Variants in MECOM observed in about 807,000 individuals in gnomAD.
The protein encoded by MECOM is MDS1 and EVI1 complex locus, also known as histone-lysine N-methyltransferase MECOM.
A neutral mutation model predicts 116.3 loss-of-function variants in MECOM; 13 were observed. The ratio of observed to expected loss-of-function variants is 0.11; its 90% CI spans 0.07 to 0.18. MECOM has a LOEUF of 0.18. MECOM is among the 10% of genes least tolerant of loss of function. The pLI, the probability that MECOM is intolerant of heterozygous loss-of-function variation, is 1.00. For missense variants in MECOM, 1,299 were observed against 1,509.0 expected (o/e 0.86, Z 2.31); for synonymous variants, 528 against 535.2 (o/e 0.99, Z 0.19).
rs139690912 is a variant in MECOM, at chr3:169,182,883, C to CA, written c.376-39052dup. Among the ~76,000 whole-genome samples, 597 of 148,188 alleles carry CA rather than the reference C, an allele frequency of 4.0e-3. 2 individuals carry two copies. Among genetic ancestry groups the CA allele is most frequent in the Non-Finnish European group, 5.6e-3 (373 of 66,788 alleles). On this transcript the variant is annotated intron_variant, in intron 2 of 16. Coordinates refer to ENST00000651503, the MANE Select transcript of MECOM (RefSeq NM_004991.4). ...CCTATCAGTATTCAGATATTAGATACAAAAAAAAAATACTTGGCTAAACAG... is the reference window on the plus strand; with the variant it reads ...CCTATCAGTATTCAGATATTAGATACAAAAAAAAAAATACTTGGCTAAACAG...
chr3:169,382,542 A>G (rs1732576457), intron 1 of MECOM, among the ~76,000 whole-genome samples: 1 of 115,264 alleles, frequency 8.7e-6, no homozygotes, highest in Non-Finnish European at 1.9e-5. Context: ...CAGTTGTCTT[A>G]GAGCAAATGA....
At chr3:169,425,145 G>A (rs568814852) in intron 1 of MECOM, among the ~76,000 whole-genome samples, 3 of 148,426 alleles carry the variant, frequency 2.0e-5, no homozygotes, top group African/African-American at 5.0e-5. Flanking sequence ...TGGAATCAAC[G>A]AAAATTTATA....
chr3:169,188,150 C>A (rs780089312), intron 2 of MECOM, among the ~76,000 whole-genome samples: 33 of 152,036 alleles, frequency 2.2e-4, no homozygotes, highest in Admixed American at 9.8e-4. Context: ...GAATGCAATT[C>A]TCTCTCAATA....
chr3:169,335,448 G>C (rs898571887), intron 2 of MECOM, among the ~76,000 whole-genome samples: 1 of 152,090 alleles, frequency 6.6e-6, no homozygotes, highest in Admixed American at 6.6e-5. Flanking sequence ...CTCTCCTTCA[G>C]CATGTCAAAA....
intron 1 of MECOM, among the ~76,000 whole-genome samples, chr3:169,481,390 T>C (rs935624218): frequency 6.6e-6 from 1 of 152,036 alleles, no homozygotes; most frequent in Non-Finnish European, 1.5e-5. Context: ...CAGTCTCTAC[T>C]AAAAATACAA....
intron 1 of MECOM, among the ~76,000 whole-genome samples, chr3:169,475,198 A>T (rs770515798): frequency 3.9e-5 from 6 of 152,216 alleles, no homozygotes; most frequent in Admixed American, 2.0e-4. Flanking sequence ...GAAAAAAGAC[A>T]ATTTGTGCTC....
rs1346398942 is a variant in MECOM at position 169,232,696 on chromosome 3, C to T, written c.376-88864G>A. Among the ~76,000 whole-genome samples, 4 of 151,894 alleles carry T rather than the reference C, an allele frequency of 2.6e-5. No homozygotes were observed. The East Asian group carries it at 7.8e-4, about 29-fold the overall frequency. On this transcript the variant is annotated intron_variant, in intron 2 of 16. Coordinates refer to ENST00000651503, the MANE Select transcript of MECOM (RefSeq NM_004991.4). ...ATATTTTTAAGAGGCAGCATGTAAACTATGCTTGTGGTGCAGTTTGAAAAT... is the reference window on the plus strand; with the variant it reads ...ATATTTTTAAGAGGCAGCATGTAAATTATGCTTGTGGTGCAGTTTGAAAAT...
intron 2 of MECOM, among the ~76,000 whole-genome samples, chr3:169,152,657 G>T (rs548130061): frequency 6.6e-6 from 1 of 152,112 alleles, no homozygotes; most frequent in Non-Finnish European, 1.5e-5. Context: ...TTTGTAGGAC[G>T]GCACTGTGTG....
chr3:169,309,825 G>A (rs546784714), intron 2 of MECOM, among the ~76,000 whole-genome samples: 47 of 152,242 alleles, frequency 3.1e-4, no homozygotes, highest in South Asian at 1.5e-3. Flanking sequence ...TCGCCACCTT[G>A]AGCCTCAGTT....
intron 1 of MECOM, among the ~76,000 whole-genome samples, chr3:169,644,472 G>T (rs1773905208): frequency 6.6e-6 from 1 of 152,002 alleles, no homozygotes; most frequent in Non-Finnish European, 1.5e-5. Flanking sequence ...GGCCAGGCTG[G>T]TCTCAAACTC....
chr3:169,576,828 CACACACACACAG>C lies in MECOM; in HGVS notation c.37+86496_37+86507del, dbSNP rs796778985. Among the ~76,000 whole-genome samples the C allele has an allele frequency of 2.4e-3, 282 of 116,508 alleles. 3 individuals are homozygous for C. In the East Asian group the frequency reaches 0.07, roughly 29 times the overall value. The allele number at this position is 116,508 out of a possible 152,430, so 76.4% of individuals were successfully genotyped here. On this transcript the variant is annotated intron_variant, in intron 1 of 16. Transcript: ENST00000651503. Reference sequence around the variant, plus strand: ...ACACACACACACACACACACACACACACACACACACAGAGAGAGAGAGAGAGAGTTAAGAGTG... The same window carrying C: ...ACACACACACACACACACACACACACAGAGAGAGAGAGAGAGTTAAGAGTG...
intron 2 of MECOM, among the ~76,000 whole-genome samples, chr3:169,350,878 T>A (rs550037514): frequency 6.6e-6 from 1 of 151,940 alleles, no homozygotes; most frequent in South Asian, 2.1e-4. Context: ...AAAAATCTCT[T>A]GTTTTCTGGA....
chr3:169,269,012 G>A (rs1758621816), intron 2 of MECOM: 1 of 152,012 alleles, frequency 6.6e-6, no homozygotes, highest in Admixed American at 6.6e-5. Context: ...TTTTCAAGGA[G>A]CAAGGAGTTC....
rs34061227 is a variant in MECOM at position 169,563,064 on chromosome 3, C to CAA, written c.37+100270_37+100271dup. Among the ~76,000 whole-genome samples, 576 of 79,438 alleles carry CAA rather than the reference C, an allele frequency of 7.3e-3. 4 individuals carry two copies. Among genetic ancestry groups the CAA allele is most frequent in the East Asian group, 0.018 (75 of 4,146 alleles). 52.1% of individuals were successfully genotyped at this position (79,438 alleles called of 152,430 possible). A position where few individuals can be genotyped will look rare whatever the true frequency, so the allele number is the denominator to read the frequency against. On this transcript the variant is annotated intron_variant, in intron 1 of 16. Coordinates refer to ENST00000651503, the MANE Select transcript of MECOM (RefSeq NM_004991.4). ...GGGTGACAAGAAAAAAGCTCCATCTCAAAAAAAAAAAAAAAAAAAATGCTG... is the reference window on the plus strand; with the variant it reads ...GGGTGACAAGAAAAAAGCTCCATCTCAAAAAAAAAAAAAAAAAAAAAATGCTG...
At chr3:169,455,572 G>A (rs1036665556) in intron 1 of MECOM, among the ~76,000 whole-genome samples, 1 of 152,130 alleles carries the variant, frequency 6.6e-6, no homozygotes, top group African/African-American at 2.4e-5. Context: ...CTATGAGAAT[G>A]ACTCTCATAA....
chr3:169,248,435 A>C (rs1392644350), intron 2 of MECOM, among the ~76,000 whole-genome samples: 1 of 152,224 alleles, frequency 6.6e-6, no homozygotes, highest in Non-Finnish European at 1.5e-5. Flanking sequence ...TATTGCACAA[A>C]TTCTTAGTCT....
At position 169,093,007 on chromosome 3, in the gene MECOM, T is replaced by A; in HGVS notation, c.3115A>T (p.Ile1039Phe). ...DAYFTEIRNF[I>F]GNSNHGSQSP... ...TGGCTGCCATGGTTGCTGTTCCCAA[T>A]GAAATTTCGAATTTCTGTGAAGTAA... is the stretch of plus-strand genomic sequence containing the variant. Residue 1039 changes from isoleucine to phenylalanine, a missense_variant, in exon 14 of 17, where the codon ATT (isoleucine) becomes TTT (phenylalanine). Coordinates refer to ENST00000651503, the MANE Select transcript of MECOM (RefSeq NM_004991.4). The A allele has an allele frequency of 6.2e-7, 1 of 1,613,864 alleles. No individual in the cohort carries two copies. Among genetic ancestry groups the A allele is most frequent in the South Asian group, 1.1e-5 (1 of 91,076 alleles).
At chr3:169,446,831 T>A (rs1744711879) in intron 1 of MECOM, among the ~76,000 whole-genome samples, 1 of 152,190 alleles carries the variant, frequency 6.6e-6, no homozygotes, top group African/African-American at 2.4e-5. Flanking sequence ...ATGCTCCTAA[T>A]GACTATGCAG....
At position 169,084,104 on chromosome 3, in the gene MECOM, G is replaced by T. The variant is rs533736378; in HGVS notation, c.*805C>A. On this transcript the variant is annotated 3_prime_UTR_variant, in exon 17 of 17. Transcript: ENST00000651503. ...TATTTTAATCAACAAACAATAGTTTGCCAACAAATAAATACATGATACACG... is the reference window on the plus strand; with the variant it reads ...TATTTTAATCAACAAACAATAGTTTTCCAACAAATAAATACATGATACACG... 3.5e-5 allele frequency: 8 copies of T among 231,550 alleles called. No homozygotes were observed. Among genetic ancestry groups the T allele is most frequent in the South Asian group, 3.6e-4 (2 of 5,506 alleles). The allele number at this position is 231,550 out of a possible 1,614,324, so 14.3% of individuals were successfully genotyped here.
Sources: gnomAD v4.1 joint callset for allele counts (sites outside exome capture counted in the v4.1 genomes callset) on GRCh38, gnomAD v4.1.1 for gene constraint, MANE v1.5 for transcripts, NCBI Gene and HGNC (gene_info 2026-07-23, HGNC 2026-07-21) for gene names.